SCFD1: variants seen among roughly 807,000 people sequenced by gnomAD.
SCFD1 encodes sec1 family domain containing 1.
Under a neutral mutation model 103.2 loss-of-function variants are expected in SCFD1, and 37 were observed. The ratio of observed to expected loss-of-function variants is 0.36; its 90% CI spans 0.28 to 0.47. SCFD1 has a LOEUF of 0.47. SCFD1 is among the 20% of genes least tolerant of loss of function. SCFD1 has a pLI of 1.00. For synonymous variants in SCFD1, 264 were observed against 245.0 expected (o/e 1.08, Z -0.73); for missense variants, 639 against 761.2 (o/e 0.84, Z 1.89).
chr14:30,639,831 T>C lies in SCFD1; in HGVS notation c.490T>C (p.Cys164Arg). 3 of 1,582,358 alleles carry C rather than the reference T, an allele frequency of 1.9e-6. No homozygotes were observed. Among genetic ancestry groups the C allele is most frequent in the Non-Finnish European group, 2.6e-6 (3 of 1,164,686 alleles). ...ITLEDDMFVLCNQNKELVSYR... is the reference protein window; with the variant it reads ...ITLEDDMFVLRNQNKELVSYR... ...TTTGGAAGATGATATGTTTGTATTATGTAATCAAAATAAGGAGCTTGTTTC... is the reference window on the plus strand; with the variant it reads ...TTTGGAAGATGATATGTTTGTATTACGTAATCAAAATAAGGAGCTTGTTTC... The change falls in exon 6 of 25, where the codon TGT becomes CGT. Residue 164 changes from cysteine (C) to arginine (R), a missense_variant. Physicochemically the swap from Cys to Arg is radical, Grantham distance 180. Transcript: ENST00000458591.
chr14:30,720,529 T>C (rs1436365195), intron 21 of SCFD1, among the ~76,000 whole-genome samples: 3 of 152,184 alleles, frequency 2.0e-5, no homozygotes, highest in East Asian at 1.9e-4. Flanking sequence ...TCCTCATCCA[T>C]GGGTTCAACC....
intron 23 of SCFD1, among the ~76,000 whole-genome samples, chr14:30,729,935 T>TGCCATGTTG (rs1228023074): frequency 1.3e-5 from 2 of 152,292 alleles, no homozygotes; most frequent in Middle Eastern, 3.4e-3. Flanking sequence ...TGTATAAATG[T>TGCCATGTTG]GCCATGTTGG....
chr14:30,663,756 T>G (rs1887659000), intron 10 of SCFD1, among the ~76,000 whole-genome samples: 1 of 152,228 alleles, frequency 6.6e-6, no homozygotes. Flanking sequence ...GCACTGCCTC[T>G]GAAGTCAGAC....
chr14:30,660,965 AGCCTCTGGTTCCTTT>A, intron 10 of SCFD1, among the ~76,000 whole-genome samples: 1 of 152,274 alleles, frequency 6.6e-6, no homozygotes, highest in East Asian at 1.9e-4. Flanking sequence ...TTTCTCAAAA[AGCCTCTGGTTCCTTT>A]GAGTAACAAA....
intron 16 of SCFD1, 56 bp downstream of exon 16, chr14:30,700,314 A>G: frequency 7.5e-6 from 8 of 1,068,142 alleles, no homozygotes; most frequent in Non-Finnish European, 8.5e-6. Context: ...GTAGACTACT[A>G]CAATTCAGAT....
chr14:30,723,463 G>A (rs1030809235), intron 23 of SCFD1, among the ~76,000 whole-genome samples: 7 of 152,064 alleles, frequency 4.6e-5, no homozygotes, highest in South Asian at 2.1e-4. Context: ...AGGTAAACTC[G>A]TGTCATGGGG....
chr14:30,703,935 AT>A (rs1566645799), intron 17 of SCFD1, among the ~76,000 whole-genome samples: 10 of 59,550 alleles, frequency 1.7e-4, no homozygotes, highest in African/African-American at 6.3e-4. Flanking sequence ...ATATATATAT[AT>A]ATATATATAT....
At chr14:30,711,002 A>G (rs921300048) in intron 19 of SCFD1, among the ~76,000 whole-genome samples, 2 of 152,248 alleles carry the variant, frequency 1.3e-5, no homozygotes, top group East Asian at 1.9e-4. Flanking sequence ...TATGGGCAGC[A>G]TAAGTTTTGT....
At chr14:30,668,235 A>T (rs1888200883) in intron 10 of SCFD1, among the ~76,000 whole-genome samples, 1 of 152,204 alleles carries the variant, frequency 6.6e-6, no homozygotes, top group Non-Finnish European at 1.5e-5. Context: ...AGGCCTCAGA[A>T]ATAACACCAC....
chr14:30,628,590 G>A (rs1239638002), intron 2 of SCFD1, among the ~76,000 whole-genome samples: 2 of 152,116 alleles, frequency 1.3e-5, no homozygotes, highest in East Asian at 3.8e-4. Flanking sequence ...GATTTTATAA[G>A]CTTGCTCGGA....
At chr14:30,667,966 G>T (rs1276022454) in intron 10 of SCFD1, among the ~76,000 whole-genome samples, 1 of 152,246 alleles carries the variant, frequency 6.6e-6, no homozygotes, top group African/African-American at 2.4e-5. Flanking sequence ...TCGTGAAAAC[G>T]GCCATACTGC....
At chr14:30,710,391 A>C (rs1436067713) in intron 19 of SCFD1, among the ~76,000 whole-genome samples, 1 of 149,976 alleles carries the variant, frequency 6.7e-6, no homozygotes, top group Non-Finnish European at 1.5e-5. Context: ...GACAGGGGGT[A>C]GGAATGGTTC....
chr14:30,700,282 G>A, intron 16 of SCFD1, 24 bp downstream of exon 16: 1 of 1,438,066 alleles, frequency 7.0e-7, no homozygotes, highest in African/African-American at 1.4e-5. Context: ...TCAGTTATTG[G>A]GAGGAAGGGG....
intron 4 of SCFD1, among the ~76,000 whole-genome samples, chr14:30,636,152 A>G (rs1884699538): frequency 6.6e-6 from 1 of 152,096 alleles, no homozygotes; most frequent in South Asian, 2.1e-4. Context: ...CTAGACACTC[A>G]CAAGTTTATG....
Position 30,721,929 on chromosome 14 carries a change from A to T in SCFD1, c.1770+12A>T, listed in dbSNP as rs1047151176. 2.0e-5 allele frequency: 32 copies of T among 1,593,870 alleles called. No individual in the cohort carries two copies. Among genetic ancestry groups the T allele is most frequent in the Non-Finnish European group, 2.5e-5 (29 of 1,162,606 alleles). Reference sequence around the variant, plus strand: ...ATCCATTCCAAGAGGTAAGTTTCATATAAAAATTCTCTGTTCCTAGAAAGG... The same window carrying T: ...ATCCATTCCAAGAGGTAAGTTTCATTTAAAAATTCTCTGTTCCTAGAAAGG... On this transcript the variant is annotated intron_variant, in intron 22 of 24. Transcript: ENST00000458591.
At chr14:30,721,951 A>C in intron 22 of SCFD1, 34 bp downstream of exon 22, 1 of 1,519,248 alleles carries the variant, frequency 6.6e-7, no homozygotes, top group Middle Eastern at 1.7e-4. Context: ...TGTTCCTAGA[A>C]AGGGAAGATG....
At chr14:30,723,043 AAAGG>A (rs909779675) in intron 23 of SCFD1, among the ~76,000 whole-genome samples, 4 of 152,154 alleles carry the variant, frequency 2.6e-5, no homozygotes, top group African/African-American at 7.2e-5. Context: ...AGCTAAGCAA[AAAGG>A]AAGGAAGGAA....
At chr14:30,719,177 G>C (rs117661091) in intron 20 of SCFD1, 148 bp from the exon 21 acceptor site, 13,641 of 632,280 alleles carry the variant, frequency 0.022, 193 homozygotes, top group Middle Eastern at 0.034. Flanking sequence ...ATAAAGGTTA[G>C]CACATAGTAA....
chr14:30,658,736 C>A (rs1328885481), intron 10 of SCFD1, among the ~76,000 whole-genome samples: 1 of 152,156 alleles, frequency 6.6e-6, no homozygotes, highest in South Asian at 2.1e-4. Flanking sequence ...AAGAGAAGCA[C>A]TTCAGGAACA....
Sources: allele counts gnomAD v4.1 joint callset (sites outside exome capture counted in the v4.1 genomes callset), GRCh38; gene constraint gnomAD v4.1.1; transcripts MANE v1.5; gene names NCBI Gene and HGNC (gene_info 2026-07-23, HGNC 2026-07-21).